Variants in NPHS1 observed in about 807,000 individuals in gnomAD.
NPHS1 encodes the protein NPHS1 adhesion molecule, nephrin, also known as nephrin.
Under a neutral mutation model 139.7 loss-of-function variants are expected in NPHS1, and 107 were observed. That is an observed-to-expected ratio of 0.77 (90% CI 0.66 to 0.90). The LOEUF (loss-of-function observed/expected upper bound fraction) is 0.90. Among genes scored for constraint, NPHS1 ranks in the 40% least tolerant of loss-of-function variants. The probability of loss-of-function intolerance (pLI) is 0.00; values close to 1 mark genes in which losing one functional copy is unlikely to be tolerated. For synonymous variants in NPHS1, 707 were observed against 706.6 expected (o/e 1.00, Z -0.01); for missense variants, 1,580 against 1,654.2 (o/e 0.96, Z 0.78).
chr19:35,826,448 T>C lies in NPHS1; in HGVS notation c.*66A>G, dbSNP rs1972801305. The stretch of plus-strand genomic sequence containing the variant: ...CTCACCTAACCAGCTCGGCCCAGGC[T>C]GTAATGAGAGAGACCAGTGGAGTGT... On this transcript the variant is annotated 3_prime_UTR_variant, in exon 29 of 29. Transcript: ENST00000378910. The C allele has an allele frequency of 6.3e-7, 1 of 1,599,820 alleles. No homozygotes were observed. Among genetic ancestry groups the C allele is most frequent in the Non-Finnish European group, 8.6e-7 (1 of 1,168,870 alleles).
At chr19:35,847,371 T>TTTTATG (rs1973158987) in intron 11 of NPHS1, among the ~76,000 whole-genome samples, 1 of 137,386 alleles carries the variant, frequency 7.3e-6, no homozygotes, top group African/African-American at 2.9e-5. Flanking sequence ...TTTTTTTTTT[T>TTTTATG]GAGACGGAGT....
chr19:35,829,830 T>C (rs1400114363), intron 28 of NPHS1, among the ~76,000 whole-genome samples: 4 of 151,310 alleles, frequency 2.6e-5, no homozygotes, highest in African/African-American at 9.8e-5. Context: ...TGAGCCACCA[T>C]GCTCGGCTTA....
chr19:35,848,479 A>C (rs1270661304), intron 9 of NPHS1, 82 bp from the exon 10 acceptor site: 1 of 1,600,804 alleles, frequency 6.2e-7, no homozygotes, highest in Non-Finnish European at 8.5e-7. Context: ...CCCAGTCCCC[A>C]GCAGGGACAC....
chr19:35,841,949 TG>T, intron 19 of NPHS1, 83 bp from the exon 20 acceptor site: 1 of 1,473,344 alleles, frequency 6.8e-7, no homozygotes, highest in South Asian at 1.2e-5. Context: ...CATCCATTAA[TG>T]TAACCGTCTG....
chr19:35,848,160 C>A lies in NPHS1; in HGVS notation c.1321G>T (p.Ala441Ser), dbSNP rs752273821. Residue 441 changes from alanine (A) to serine (S), a missense_variant, in exon 11 of 29, where the codon GCC (alanine) becomes TCC (serine). Physicochemically the swap from Ala to Ser is moderately conservative, Grantham distance 99. Transcript: ENST00000378910. ...GGACCCTCAATCCACAGTTTCTGGG[C>A]GGGATCTGGCGGGGAGAGGAAGGAA... ...KSLILNVKYP[A>S]QKLWIEGPPE... The A allele has an allele frequency of 1.9e-6, 3 of 1,613,986 alleles. No homozygotes were observed. The East Asian group carries it at 6.7e-5, about 36-fold the overall frequency.
At chr19:35,850,487 C>A in intron 4 of NPHS1, 42 bp from the exon 5 acceptor site, 1 of 1,536,892 alleles carries the variant, frequency 6.5e-7, no homozygotes, top group Non-Finnish European at 9.0e-7. Flanking sequence ...AGGCTCCCCG[C>A]AAGATAGATT....
At chr19:35,848,230 G>T in intron 10 of NPHS1, 23 bp downstream of exon 10, 2 of 1,614,156 alleles carry the variant, frequency 1.2e-6, no homozygotes, top group Non-Finnish European at 1.7e-6. Flanking sequence ...TGGGGGCATT[G>T]CTGGGCCAGG....
In NPHS1 at chr19:35,852,466, A is replaced by T. The variant is rs999336839; in HGVS notation, c.-629T>A. Among the ~76,000 whole-genome samples the T allele has an allele frequency of 1.3e-5, 2 of 152,168 alleles. No homozygotes were observed. Among genetic ancestry groups the T allele is most frequent in the Non-Finnish European group, 2.9e-5 (2 of 68,024 alleles). On this transcript the variant is annotated 5_prime_UTR_variant, in exon 1 of 29. Transcript: ENST00000378910. ...ATGAGGCTGATGCAGGCACTGGCAG[A>T]GTCAGCCCTGCTCTCTGACCCAGCT... is the stretch of plus-strand genomic sequence containing the variant.
At chr19:35,827,214 C>A (rs1972810503) in intron 28 of NPHS1, among the ~76,000 whole-genome samples, 1 of 151,658 alleles carries the variant, frequency 6.6e-6, no homozygotes, top group South Asian at 2.1e-4. Flanking sequence ...CTCCTGAGTT[C>A]AATCGATCCA....
At chr19:35,830,687 G>T (rs1312561916) in intron 28 of NPHS1, among the ~76,000 whole-genome samples, 157 bp downstream of exon 28, 2 of 152,230 alleles carry the variant, frequency 1.3e-5, no homozygotes, top group African/African-American at 4.8e-5. Flanking sequence ...GGGATTACAG[G>T]CATGGACCAT....
In NPHS1 at chr19:35,841,841, C is replaced by T. The variant is rs554913906; in HGVS notation, c.2689G>A (p.Gly897Ser). 1 of 1,613,346 alleles carries T rather than the reference C, an allele frequency of 6.2e-7. No individual in the cohort carries two copies. The highest frequency in any genetic ancestry group is 1.3e-5 in the African/African-American group (1 of 75,026). Residue 897 changes from glycine to serine, a missense_variant, in exon 20 of 29, where the codon GGT (glycine) becomes AGT (serine). Coordinates refer to ENST00000378910, the MANE Select transcript of NPHS1 (RefSeq NM_004646.4). ...GTCAGGAGGCTGCTGTGGACACCACCCTGGTGGTATGTGTGCTCCGTGTAC... is the reference window on the plus strand; with the variant it reads ...GTCAGGAGGCTGCTGTGGACACCACTCTGGTGGTATGTGTGCTCCGTGTAC... ...PRYTEHTYHQ[G>S]GVHSSLLTIA...
At chr19:35,851,418 T>C (rs961299448) in intron 2 of NPHS1, 34 bp from the exon 3 acceptor site, 2 of 1,612,682 alleles carry the variant, frequency 1.2e-6, no homozygotes, top group African/African-American at 2.7e-5. Flanking sequence ...GGCCGCAGCT[T>C]CCGCTGGTGG....
intron 22 of NPHS1, among the ~76,000 whole-genome samples, chr19:35,838,740 A>G (rs964729036): frequency 5.9e-5 from 9 of 152,024 alleles, no homozygotes; most frequent in Non-Finnish European, 1.2e-4. Flanking sequence ...CCAGTTACTC[A>G]GAAGACTGAG....
At chr19:35,828,378 G>A (rs564195973) in intron 28 of NPHS1, among the ~76,000 whole-genome samples, 95 of 151,914 alleles carry the variant, frequency 6.3e-4, no homozygotes, top group Non-Finnish European at 1.2e-3. Flanking sequence ...CGATTCTCCT[G>A]CCTAGCCTCC....
rs1483107909 is a variant in NPHS1 at position 35,845,958 on chromosome 19, G to C, written c.1627+50C>G. On this transcript the variant is annotated intron_variant, in intron 12 of 28. Transcript: ENST00000378910. This position sits in a 1 kb window ranked among gnomAD's most constrained non-coding sequence, Gnocchi z 5.5. ...GTTCGCTGGGTCCCTGCCCCACCTG[G>C]CTCTGTCCCTCCCGCCCCGCCCCCG... 4.5e-6 allele frequency: 7 copies of C among 1,540,252 alleles called. No individual in the cohort carries two copies. The highest frequency in any genetic ancestry group is 2.4e-5 in the East Asian group (1 of 40,872).
chr19:35,848,997 CG>C lies in NPHS1; in HGVS notation c.990del (p.His330GlnfsTer28). On this transcript the variant is annotated frameshift_variant, in exon 8 of 29. Transcript: ENST00000378910. LOFTEE classifies it high-confidence loss of function. ...TCACAGGTGACCTGCAGTGTGATGCCGTGCTCCTGGGTCCCTGCAGACACGC... is the reference window on the plus strand; with the variant it reads ...TCACAGGTGACCTGCAGTGTGATGCCTGCTCCTGGGTCCCTGCAGACACGC... The part of the protein sequence containing the change: ...HNSVSAGTQE[H>X]GITLQVTFPP... The C allele has an allele frequency of 1.9e-6, 3 of 1,612,024 alleles. No individual in the cohort carries two copies. The highest frequency in any genetic ancestry group is 2.5e-6 in the Non-Finnish European group (3 of 1,180,040).
chr19:35,836,122 G>C (rs371030303), intron 22 of NPHS1, among the ~76,000 whole-genome samples: 1 of 34,440 alleles, frequency 2.9e-5, no homozygotes, highest in Non-Finnish European at 7.7e-5. Context: ...ACTATGCCTG[G>C]CTAATTTTTT....
At chr19:35,840,689 A>ATTTT (rs533775109) in intron 20 of NPHS1, among the ~76,000 whole-genome samples, 172 of 116,930 alleles carry the variant, frequency 1.5e-3, no homozygotes, top group African/African-American at 4.4e-3. Flanking sequence ...TCAATACATG[A>ATTTT]TTTTTTTTTT....
At position 35,845,261 on chromosome 19, in the gene NPHS1, A is replaced by G; in HGVS notation, c.1930+107T>C. On this transcript the variant is annotated intron_variant, in intron 14 of 28. Transcript: ENST00000378910. This position sits in a 1 kb window ranked among gnomAD's most constrained non-coding sequence, Gnocchi z 5.5. Reference sequence around the variant, plus strand: ...TTGCAGCCTGAGCGACAAAAAATGAAAGAGAGAGAGAGAGAGAAGAGAAAA... The same window carrying G: ...TTGCAGCCTGAGCGACAAAAAATGAGAGAGAGAGAGAGAGAGAAGAGAAAA... 8.0e-7 allele frequency: 1 copy of G among 1,252,928 alleles called. No homozygotes were observed. The highest frequency in any genetic ancestry group is 1.1e-6 in the Non-Finnish European group (1 of 877,414). 77.6% of individuals were successfully genotyped at this position (1,252,928 alleles called of 1,614,324 possible). A position where few individuals can be genotyped will look rare whatever the true frequency, so the allele number is the denominator to read the frequency against.
Sources: gnomAD v4.1 joint callset for allele counts (sites outside exome capture counted in the v4.1 genomes callset) on GRCh38, gnomAD v4.1.1 for gene constraint, Gnocchi (gnomAD v3.1) non-coding constraint, MANE v1.5 for transcripts, NCBI Gene and HGNC (gene_info 2026-07-23, HGNC 2026-07-21) for gene names.